Variants in SIK2 observed in about 807,000 individuals in gnomAD.
SIK2 encodes the protein salt inducible kinase 2, also known as serine/threonine-protein kinase SIK2.
In SIK2, 29 loss-of-function variants were observed where a neutral mutation model predicts 103.2. The observed-to-expected ratio is 0.28, with a 90% CI of 0.21 to 0.38. The LOEUF is 0.38. SIK2 is among the 10% of genes least tolerant of loss of function. The pLI is 1.00. For missense variants in SIK2, 879 were observed against 1,171.0 expected, an observed-to-expected ratio of 0.75 and a Z score of 3.64; for synonymous variants, 412 against 446.1, an observed-to-expected ratio of 0.92 and a Z score of 0.96.
chr11:111,622,247 C>CTT (rs71057079), intron 3 of SIK2, among the ~76,000 whole-genome samples: 6 of 61,456 alleles, frequency 9.8e-5, no homozygotes, highest in African/African-American at 1.4e-4. Context: ...ATTTTCTTTT[C>CTT]TTTTTTTTTT....
chr11:111,716,846 ACC>A (rs1943654585), intron 9 of SIK2, among the ~76,000 whole-genome samples: 6 of 152,184 alleles, frequency 3.9e-5, no homozygotes, highest in Non-Finnish European at 8.8e-5. Flanking sequence ...TGAACAGACA[ACC>A]CACAGAATGA....
At chr11:111,637,956 G>A (rs975212363) in intron 3 of SIK2, among the ~76,000 whole-genome samples, 6 of 152,182 alleles carry the variant, frequency 3.9e-5, no homozygotes, top group Admixed American at 2.6e-4. Flanking sequence ...TGATTACTAC[G>A]TATATTTGTT....
intron 3 of SIK2, among the ~76,000 whole-genome samples, chr11:111,655,599 G>A (rs1305039015): frequency 6.6e-6 from 1 of 152,166 alleles, no homozygotes; most frequent in African/African-American, 2.4e-5. Context: ...TTTGACAATG[G>A]TAATGATGGC....
chr11:111,648,715 G>A (rs533865591), intron 3 of SIK2, among the ~76,000 whole-genome samples: 2 of 152,044 alleles, frequency 1.3e-5, no homozygotes, highest in African/African-American at 2.4e-5. Flanking sequence ...TACAGTGGTT[G>A]TATCTATGGA....
intron 14 of SIK2, among the ~76,000 whole-genome samples, chr11:111,723,054 G>T (rs1943851197): frequency 6.6e-6 from 1 of 152,164 alleles, no homozygotes; most frequent in Non-Finnish European, 1.5e-5. Flanking sequence ...ATGGAGGTGG[G>T]GTAGGCGGCA....
At chr11:111,611,119 C>CGT (rs1565305733) in intron 1 of SIK2, among the ~76,000 whole-genome samples, 2 of 140,318 alleles carry the variant, frequency 1.4e-5, no homozygotes, top group Non-Finnish European at 3.1e-5. Context: ...TGTGTGTGTG[C>CGT]ACACCTGTAG....
intron 9 of SIK2, among the ~76,000 whole-genome samples, chr11:111,714,729 G>A (rs939959065): frequency 1.1e-4 from 16 of 152,190 alleles, no homozygotes; most frequent in African/African-American, 3.4e-4. Flanking sequence ...TCAGCCAAGC[G>A]TAGCCCACAA....
chr11:111,698,747 G>T (rs1017743099), intron 4 of SIK2, among the ~76,000 whole-genome samples: 13 of 152,188 alleles, frequency 8.5e-5, no homozygotes, highest in African/African-American at 2.9e-4. Context: ...AACCTTACCA[G>T]TGCTATTTGG....
chr11:111,619,758 A>G (rs1256322152), intron 2 of SIK2, among the ~76,000 whole-genome samples: 3 of 152,276 alleles, frequency 2.0e-5, no homozygotes, highest in African/African-American at 7.2e-5. Flanking sequence ...AGTATTTTAC[A>G]GTAGAGCTAT....
chr11:111,625,729 C>T (rs2135844501), intron 3 of SIK2, among the ~76,000 whole-genome samples: 1 of 152,118 alleles, frequency 6.6e-6, no homozygotes, highest in East Asian at 1.9e-4. Flanking sequence ...AAGGGGCTTA[C>T]AGAGCAAATG....
intron 3 of SIK2, among the ~76,000 whole-genome samples, chr11:111,669,290 GTGTC>G (rs1228541254): frequency 2.0e-5 from 3 of 152,198 alleles, no homozygotes; most frequent in Non-Finnish European, 4.4e-5. Context: ...CAGAATCTAA[GTGTC>G]TGTCTCTCAG....
chr11:111,706,778 G>A (rs1197080580), intron 8 of SIK2, among the ~76,000 whole-genome samples: 1 of 151,916 alleles, frequency 6.6e-6, no homozygotes, highest in African/African-American at 2.4e-5. Flanking sequence ...TGGCCAACAT[G>A]GTGAAACCCC....
In SIK2 at chr11:111,727,245, G is replaced by A; in HGVS notation, c.*3116G>A. 1.6e-6 allele frequency: 1 copy of A among 607,224 alleles called. No homozygotes were observed. Among genetic ancestry groups the A allele is most frequent in the Non-Finnish European group, 2.9e-6 (1 of 340,718 alleles). 37.6% of individuals were successfully genotyped at this position (607,224 alleles called of 1,614,324 possible). A position where few individuals can be genotyped will look rare whatever the true frequency, so the allele number is the denominator to read the frequency against. ...AGAATCCCTGCGTGGGAGAGCATCA[G>A]GGCCCACCAGGGGAGTGGGGATGGG... On this transcript the variant is annotated 3_prime_UTR_variant, in exon 15 of 15. Transcript: ENST00000304987.
In SIK2 at chr11:111,730,584, TTC is replaced by T. The variant is rs1179461360; in HGVS notation, c.*6457_*6458del. The T allele has an allele frequency of 6.6e-6, 1 of 152,214 alleles. No homozygotes were observed. Among genetic ancestry groups the T allele is most frequent in the Non-Finnish European group, 1.5e-5 (1 of 68,048 alleles). 9.4% of individuals were successfully genotyped at this position (152,214 alleles called of 1,614,324 possible). A position where few individuals can be genotyped will look rare whatever the true frequency, so the allele number is the denominator to read the frequency against. ...AAGTTAATCTAACTGTAGTTATATT[TTC>T]TGTGTGCTTTTTTTTAATTACTAAG... On this transcript the variant is annotated 3_prime_UTR_variant, in exon 15 of 15. Transcript: ENST00000304987.
In SIK2 at chr11:111,688,434, A is replaced by G. The variant is rs1175357268; in HGVS notation, c.478+272A>G. On this transcript the variant is annotated intron_variant, in intron 4 of 14. Coordinates refer to ENST00000304987, the MANE Select transcript of SIK2 (RefSeq NM_015191.3). This position sits in a 1 kb window ranked among gnomAD's most constrained non-coding sequence, Gnocchi z 4.2. ...TTCGGGGTGCTCTGCTGGAAGAGGTACATTTATCTGAGTGTCAGAGTGACT... is the reference window on the plus strand; with the variant it reads ...TTCGGGGTGCTCTGCTGGAAGAGGTGCATTTATCTGAGTGTCAGAGTGACT... 2.0e-5 allele frequency among the ~76,000 whole-genome samples: 3 copies of G among 152,218 alleles called. No individual in the cohort carries two copies. The highest frequency in any genetic ancestry group is 4.4e-5 in the Non-Finnish European group (3 of 68,040).
chr11:111,618,456 C>T (rs1333941338), intron 2 of SIK2, among the ~76,000 whole-genome samples: 1 of 152,096 alleles, frequency 6.6e-6, no homozygotes, highest in Non-Finnish European at 1.5e-5. Flanking sequence ...TATGATGTGT[C>T]ACTCAAAGCA....
At chr11:111,614,618 G>A (rs1034394400) in intron 1 of SIK2, among the ~76,000 whole-genome samples, 2 of 152,158 alleles carry the variant, frequency 1.3e-5, no homozygotes, top group Non-Finnish European at 2.9e-5. Context: ...CATTGAGTGG[G>A]CTGAGGAGGA....
chr11:111,713,114 G>A (rs1487936354), intron 9 of SIK2, among the ~76,000 whole-genome samples: 1 of 152,148 alleles, frequency 6.6e-6, no homozygotes, highest in Non-Finnish European at 1.5e-5. Flanking sequence ...GCAGTGAGCC[G>A]AGATCACAGC....
chr11:111,697,110 G>C (rs530192590), intron 4 of SIK2, among the ~76,000 whole-genome samples: 3 of 152,214 alleles, frequency 2.0e-5, no homozygotes, highest in Non-Finnish European at 4.4e-5. Context: ...ATGAAGGCTC[G>C]AAGTAGTTAA....
Sources: gnomAD v4.1 joint callset for allele counts (sites outside exome capture counted in the v4.1 genomes callset) on GRCh38, gnomAD v4.1.1 for gene constraint, Gnocchi (gnomAD v3.1) non-coding constraint, MANE v1.5 for transcripts, NCBI Gene and HGNC (gene_info 2026-07-23, HGNC 2026-07-21) for gene names.